LUC7L2: variants seen among roughly 807,000 people sequenced by gnomAD.
LUC7L2 encodes the protein putative RNA-binding protein Luc7-like 2.
LUC7L2 carries 25 observed loss-of-function variants against 52.8 expected under a neutral mutation model. The ratio of observed to expected loss-of-function variants is 0.47; its 90% confidence interval spans 0.34 to 0.66. The LOEUF is 0.66. LUC7L2 is among the 30% of genes least tolerant of loss of function. LUC7L2 has a pLI of 0.01. For missense variants in LUC7L2, 328 were observed against 497.8 expected (o/e 0.66, Z 3.25); for synonymous variants, 144 against 160.9 (o/e 0.89, Z 0.80).
intron 1 of LUC7L2, among the ~76,000 whole-genome samples, chr7:139,347,538 G>C (rs1476614090): frequency 2.0e-5 from 3 of 151,130 alleles, no homozygotes; most frequent in Non-Finnish European, 4.4e-5. Context: ...AGTGAGCCGA[G>C]ATTGCACCAT....
Position 139,360,233 on chromosome 7 carries a change from C to A in LUC7L2, c.-29C>A. The A allele has an allele frequency of 6.5e-7, 1 of 1,540,682 alleles. No individual in the cohort carries two copies. The highest frequency in any genetic ancestry group is 8.8e-7 in the Non-Finnish European group (1 of 1,141,630). ...AAAAGGGCCCGGTCTGCGCCCCACC[C>A]CCGCCCGTCCGCCCGCTACGCCGCC... On this transcript the variant is annotated 5_prime_UTR_variant, in exon 1 of 10. Coordinates refer to ENST00000354926, the MANE Select transcript of LUC7L2 (RefSeq NM_016019.5).
chr7:139,402,031 C>T, intron 3 of LUC7L2, 106 bp from the exon 4 acceptor site: 1 of 1,222,016 alleles, frequency 8.2e-7, no homozygotes, highest in Non-Finnish European at 1.1e-6. Flanking sequence ...AGCCACCGTG[C>T]CCCACCATGG....
intron 2 of LUC7L2, among the ~76,000 whole-genome samples, chr7:139,380,804 C>T (rs376441144): frequency 7.9e-5 from 12 of 152,010 alleles, no homozygotes; most frequent in East Asian, 1.9e-4. Flanking sequence ...TCTTCTGGTA[C>T]GTATCTTCCC....
At chr7:139,412,680 T>C in intron 8 of LUC7L2, 100 bp downstream of exon 8, 1 of 1,436,510 alleles carries the variant, frequency 7.0e-7, no homozygotes, top group South Asian at 1.3e-5. Context: ...TTTTCTTTTT[T>C]GGCTGGGCAC....
At chr7:139,405,909 G>T (rs1795092673) in intron 5 of LUC7L2, 122 bp downstream of exon 5, 1 of 1,345,920 alleles carries the variant, frequency 7.4e-7, no homozygotes. Context: ...GGAAATTATT[G>T]AACAGTTGTT....
At chr7:139,381,163 C>A (rs1229851966) in intron 2 of LUC7L2, among the ~76,000 whole-genome samples, 1 of 151,804 alleles carries the variant, frequency 6.6e-6, no homozygotes, top group Non-Finnish European at 1.5e-5. Flanking sequence ...TAAAAAAAAA[C>A]CACAGTATTC....
Position 139,359,901 on chromosome 7 carries a change from TCGTGGCGAC to T in LUC7L2, c.-360_-352del. The T allele has an allele frequency of 7.2e-6, 3 of 415,372 alleles. No individual in the cohort carries two copies. The highest frequency in any genetic ancestry group is 8.5e-6 in the Non-Finnish European group (2 of 234,602). The allele number at this position is 415,372 out of a possible 1,614,324, so 25.7% of individuals were successfully genotyped here. ...AGCGCGAGGAGCGTGCGCGCTCCCG[TCGTGGCGAC>T]GGTGGCGGCGAGCGGCGTCAGAGCT... On this transcript the variant is annotated 5_prime_UTR_variant, in exon 1 of 10. Transcript: ENST00000354926.
At chr7:139,375,153 CA>C (rs995308123) in intron 1 of LUC7L2, 8 of 982,474 alleles carry the variant, frequency 8.1e-6, no homozygotes, top group Non-Finnish European at 9.7e-6. Context: ...AGATTCTAAG[CA>C]AAAAAATTTT....
intron 4 of LUC7L2, 81 bp downstream of exon 4, chr7:139,402,328 T>C (rs1455357321): frequency 7.4e-7 from 1 of 1,348,740 alleles, no homozygotes; most frequent in Non-Finnish European, 9.8e-7. Context: ...AATAATTAGA[T>C]TTGCAAGAGA....
intron 1 of LUC7L2, among the ~76,000 whole-genome samples, chr7:139,342,214 A>G (rs1351685106): frequency 6.6e-6 from 1 of 152,168 alleles, no homozygotes; most frequent in Admixed American, 6.5e-5. Context: ...CTTGCTGCCC[A>G]CCTAAGGAGC....
intron 2 of LUC7L2, among the ~76,000 whole-genome samples, chr7:139,389,809 T>C (rs1329472446): frequency 2.0e-5 from 3 of 152,246 alleles, no homozygotes; most frequent in Non-Finnish European, 4.4e-5. Flanking sequence ...ATTGAGCTTA[T>C]ATCCCATTGC....
At position 139,377,682 on chromosome 7, in the gene LUC7L2, G is replaced by A. The variant is rs1490921824; in HGVS notation, c.156+1526G>A. 9.2e-5 allele frequency among the ~76,000 whole-genome samples: 14 copies of A among 152,010 alleles called. No individual in the cohort carries two copies. In the South Asian group the frequency reaches 1.0e-3, roughly 11 times the overall value. On this transcript the variant is annotated intron_variant, in intron 2 of 9. Coordinates refer to ENST00000354926, the MANE Select transcript of LUC7L2 (RefSeq NM_016019.5). ...ACTGGGATTACAGGCATGAGCCACC[G>A]TGCCCGGCCCTAATTTTTGTATTTT...
intron 1 of LUC7L2, among the ~76,000 whole-genome samples, chr7:139,351,660 CTG>C (rs770820208): frequency 6.6e-6 from 1 of 152,218 alleles, no homozygotes; most frequent in Non-Finnish European, 1.5e-5. Flanking sequence ...TCTCTATTCT[CTG>C]TGTTTGACAG....
chr7:139,408,731 A>G (rs750520003), intron 6 of LUC7L2, among the ~76,000 whole-genome samples: 1 of 150,972 alleles, frequency 6.6e-6, no homozygotes, highest in Non-Finnish European at 1.5e-5. Flanking sequence ...AGTCCCAGCT[A>G]CTCTGGAGAC....
At chr7:139,412,706 T>A in intron 8 of LUC7L2, 126 bp downstream of exon 8, 2 of 1,123,696 alleles carry the variant, frequency 1.8e-6, no homozygotes, top group Non-Finnish European at 2.5e-6. Flanking sequence ...TGCATGCTTG[T>A]AATCCCAGCT....
intron 1 of LUC7L2, among the ~76,000 whole-genome samples, chr7:139,372,936 C>T (rs1339475900): frequency 6.6e-6 from 1 of 152,112 alleles, no homozygotes; most frequent in Non-Finnish European, 1.5e-5. Context: ...TGATTTGGAT[C>T]CAATGTCATT....
intron 3 of LUC7L2, among the ~76,000 whole-genome samples, chr7:139,401,274 G>A (rs1022474546): frequency 6.6e-5 from 10 of 151,964 alleles, no homozygotes; most frequent in African/African-American, 2.2e-4. Flanking sequence ...AAAAATGTTC[G>A]GAAATACTTA....
chr7:139,415,408 T>G (rs1795549275), intron 8 of LUC7L2, among the ~76,000 whole-genome samples: 1 of 151,992 alleles, frequency 6.6e-6, no homozygotes, highest in Admixed American at 6.6e-5. Flanking sequence ...TTACCTAGAA[T>G]TTTTAAAAAG....
At chr7:139,375,985 G>A (rs989456687) in intron 1 of LUC7L2, 77 bp from the exon 2 acceptor site, 2 of 1,463,622 alleles carry the variant, frequency 1.4e-6, no homozygotes, top group Non-Finnish European at 9.4e-7. Context: ...CACATAAAAA[G>A]CTAGTAATAG....
Sources: gnomAD v4.1 joint callset for allele counts (sites outside exome capture counted in the v4.1 genomes callset) on GRCh38, gnomAD v4.1.1 for gene constraint, MANE v1.5 for transcripts, NCBI Gene and HGNC (gene_info 2026-07-23, HGNC 2026-07-21) for gene names.